Variants in ENOX1 observed in about 807,000 individuals in gnomAD.
ENOX1 encodes the protein ecto-NOX disulfide-thiol exchanger 1, also known as candidate growth-related and time keeping constitutive hydroquinone (NADH) oxidase.
A neutral mutation model predicts 82.5 loss-of-function variants in ENOX1; 42 were observed. That is an observed-to-expected ratio of 0.51 (90% confidence interval 0.40 to 0.66). The LOEUF (loss-of-function observed/expected upper bound fraction) is 0.66. Ranked by LOEUF, ENOX1 falls within the 30% of genes least tolerant of loss-of-function variation. The pLI is 0.00. For synonymous variants in ENOX1, 271 were observed against 282.2 expected, an observed-to-expected ratio of 0.96 and a Z score of 0.40; for missense variants, 608 against 811.6, an observed-to-expected ratio of 0.75 and a Z score of 3.05.
chr13:43,643,633 GTATA>G (rs201615502), intron 2 of ENOX1, among the ~76,000 whole-genome samples: 1 of 148,850 alleles, frequency 6.7e-6, no homozygotes, highest in Non-Finnish European at 1.5e-5. Context: ...ATGTGTGTGT[GTATA>G]TATATATATA....
Position 43,315,592 on chromosome 13 carries a change from T to C in ENOX1, c.1261+6792A>G, listed in dbSNP as rs1382715864. On this transcript the variant is annotated intron_variant, in intron 11 of 16. Transcript: ENST00000690772. ...CCGCACTTAAATTCCAACAACACTGTGTTAATTTTGCTCAAACGCAAGCTG... is the reference window on the plus strand; with the variant it reads ...CCGCACTTAAATTCCAACAACACTGCGTTAATTTTGCTCAAACGCAAGCTG... 3.9e-5 allele frequency among the ~76,000 whole-genome samples: 6 copies of C among 152,354 alleles called. No homozygotes were observed. In the East Asian group the frequency reaches 1.2e-3, roughly 29 times the overall value.
At chr13:43,228,919 C>T (rs902403720) in intron 15 of ENOX1, among the ~76,000 whole-genome samples, 7 of 152,206 alleles carry the variant, frequency 4.6e-5, no homozygotes, top group African/African-American at 1.4e-4. Context: ...TTTGCTGGAA[C>T]GCTACCTTAC....
chr13:43,567,592 T>C (rs2079977037), intron 2 of ENOX1, among the ~76,000 whole-genome samples: 1 of 152,132 alleles, frequency 6.6e-6, no homozygotes, highest in African/African-American at 2.4e-5. Context: ...TAATCTTATA[T>C]TTATGAAAAA....
intron 2 of ENOX1, among the ~76,000 whole-genome samples, chr13:43,601,934 G>A (rs1324537993): frequency 6.6e-6 from 1 of 151,968 alleles, no homozygotes; most frequent in Non-Finnish European, 1.5e-5. Context: ...TCTTATCCTA[G>A]AATAGTATAT....
intron 5 of ENOX1, among the ~76,000 whole-genome samples, chr13:43,406,552 G>T (rs2053807394): frequency 6.6e-6 from 1 of 150,460 alleles, no homozygotes; most frequent in African/African-American, 2.4e-5. Flanking sequence ...GAGTGCAGTG[G>T]CGCCATCTCG....
At chr13:43,321,566 A>G (rs2047812120) in intron 11 of ENOX1, among the ~76,000 whole-genome samples, 1 of 152,214 alleles carries the variant, frequency 6.6e-6, no homozygotes. Context: ...GTCACCTGCA[A>G]TCTTTCTGTT....
intron 2 of ENOX1, among the ~76,000 whole-genome samples, chr13:43,596,097 ATC>A (rs759411243): frequency 3.9e-5 from 6 of 152,206 alleles, no homozygotes; most frequent in Non-Finnish European, 8.8e-5. Flanking sequence ...GCTAAACTCA[ATC>A]TCTGAGCTTT....
intron 1 of ENOX1, among the ~76,000 whole-genome samples, chr13:43,735,682 C>T (rs934107557): frequency 8.6e-5 from 13 of 151,996 alleles, no homozygotes; most frequent in African/African-American, 3.1e-4. Context: ...GATCACACCA[C>T]TGCACTCCAG....
At chr13:43,705,200 T>C (rs1369654660) in intron 1 of ENOX1, among the ~76,000 whole-genome samples, 5 of 150,734 alleles carry the variant, frequency 3.3e-5, no homozygotes, top group Non-Finnish European at 5.9e-5. Flanking sequence ...TATCAAAAAT[T>C]AAATTAAATA....
At chr13:43,617,750 T>C (rs1031332384) in intron 2 of ENOX1, among the ~76,000 whole-genome samples, 3 of 152,224 alleles carry the variant, frequency 2.0e-5, no homozygotes, top group Non-Finnish European at 4.4e-5. Context: ...AGTAGTGGGA[T>C]TGCTGGATCA....
intron 5 of ENOX1, among the ~76,000 whole-genome samples, chr13:43,384,997 G>C (rs1385691319): frequency 6.6e-6 from 1 of 151,726 alleles, no homozygotes; most frequent in African/African-American, 2.4e-5. Flanking sequence ...AAAGCTCAGG[G>C]AAAAAAAAGT....
intron 9 of ENOX1, among the ~76,000 whole-genome samples, chr13:43,338,809 C>G (rs757101774): frequency 5.9e-4 from 89 of 151,584 alleles, no homozygotes; most frequent in Admixed American, 2.0e-3. Context: ...CCTCAGCCTC[C>G]CGAGTATCTG....
At chr13:43,529,753 T>C (rs1255502625) in intron 2 of ENOX1, among the ~76,000 whole-genome samples, 8 of 152,098 alleles carry the variant, frequency 5.3e-5, no homozygotes, top group Admixed American at 3.9e-4. Flanking sequence ...GGGGCACTAC[T>C]GTATTCCCAT....
chr13:43,708,275 C>A (rs113255092), intron 1 of ENOX1, among the ~76,000 whole-genome samples: 1 of 152,156 alleles, frequency 6.6e-6, no homozygotes, highest in Non-Finnish European at 1.5e-5. Flanking sequence ...CTCCCAAGTG[C>A]GGACAGGCCA....
chr13:43,758,780 C>T (rs889438577), intron 1 of ENOX1, among the ~76,000 whole-genome samples: 3 of 152,148 alleles, frequency 2.0e-5, no homozygotes, highest in South Asian at 2.1e-4. Context: ...CTTAATGAGG[C>T]TTAAATTAGA....
At chr13:43,717,286 T>C (rs966538790) in intron 1 of ENOX1, among the ~76,000 whole-genome samples, 32 of 152,152 alleles carry the variant, frequency 2.1e-4, no homozygotes, top group African/African-American at 5.8e-4. Flanking sequence ...AAATATGCAA[T>C]GGGGAAAGGA....
chr13:43,304,980 T>C (rs563319512), intron 11 of ENOX1, among the ~76,000 whole-genome samples: 33 of 152,210 alleles, frequency 2.2e-4, no homozygotes, highest in African/African-American at 7.5e-4. Flanking sequence ...TGCGTTATGC[T>C]GACCTCCCAT....
chr13:43,374,838 G>T (rs1245473021), intron 5 of ENOX1, among the ~76,000 whole-genome samples: 1 of 152,190 alleles, frequency 6.6e-6, no homozygotes, highest in Non-Finnish European at 1.5e-5. Context: ...AGGGAAATAG[G>T]CTGTGGTTTA....
At chr13:43,653,089 T>C (rs986605900) in intron 2 of ENOX1, among the ~76,000 whole-genome samples, 1 of 152,186 alleles carries the variant, frequency 6.6e-6, no homozygotes, top group Non-Finnish European at 1.5e-5. Flanking sequence ...CTGCCCTCAG[T>C]TGCGCAGCAC....
Sources: gnomAD v4.1 joint callset for allele counts (sites outside exome capture counted in the v4.1 genomes callset) on GRCh38, gnomAD v4.1.1 for gene constraint, MANE v1.5 for transcripts, NCBI Gene and HGNC (gene_info 2026-07-23, HGNC 2026-07-21) for gene names.